The following CPXM2 variants were observed in gnomAD, a reference collection of about 807,000 sequenced individuals.
CPXM2 encodes inactive carboxypeptidase-like protein X2.
Under a neutral mutation model 86.1 loss-of-function variants are expected in CPXM2, and 66 were observed. The observed-to-expected ratio is 0.77, with a 90% CI of 0.63 to 0.94. CPXM2 has a LOEUF of 0.94. Among genes scored for constraint, CPXM2 ranks in the 40% least tolerant of loss-of-function variants. CPXM2 has a pLI of 0.00. For synonymous variants in CPXM2, 388 were observed against 400.2 expected (o/e 0.97, Z 0.36); for missense variants, 948 against 1,026.3 (o/e 0.92, Z 1.04).
intron 2 of CPXM2, among the ~76,000 whole-genome samples, chr10:123,939,193 G>A (rs1945750980): frequency 6.6e-6 from 1 of 152,172 alleles, no homozygotes; most frequent in East Asian, 1.9e-4. Context: ...TTTTCCAGAA[G>A]CAGTACTGCC....
chr10:123,789,017 T>C (rs1339137008), intron 6 of CPXM2, among the ~76,000 whole-genome samples: 1 of 152,102 alleles, frequency 6.6e-6, no homozygotes, highest in Non-Finnish European at 1.5e-5. Flanking sequence ...GCTGCCATTG[T>C]GGCCTTGTGA....
In CPXM2 at chr10:123,862,608, A is replaced by G; in HGVS notation, c.513+6T>C. On this transcript the variant is annotated splice_donor_region_variant and intron_variant, in intron 3 of 13. Coordinates refer to ENST00000241305, the MANE Select transcript of CPXM2 (RefSeq NM_198148.3). ...TCAAAATCCTTCCAACCACAGGGCC[A>G]GGTACCTGGATGTTGAGTCTCCCTC... 6.2e-7 allele frequency: 1 copy of G among 1,609,010 alleles called. No individual in the cohort carries two copies. Among genetic ancestry groups the G allele is most frequent in the Non-Finnish European group, 8.5e-7 (1 of 1,175,328 alleles).
intron 2 of CPXM2, among the ~76,000 whole-genome samples, chr10:123,919,319 A>G (rs1945562506): frequency 6.6e-6 from 1 of 152,394 alleles, no homozygotes; most frequent in Non-Finnish European, 1.5e-5. Context: ...ATCAACATTT[A>G]TCAGAAGATT....
At chr10:123,922,889 A>G (rs2134279958) in intron 2 of CPXM2, among the ~76,000 whole-genome samples, 1 of 152,346 alleles carries the variant, frequency 6.6e-6, no homozygotes, top group South Asian at 2.1e-4. Flanking sequence ...CCAACGTATC[A>G]CCCACAGATA....
intron 6 of CPXM2, among the ~76,000 whole-genome samples, chr10:123,781,432 G>A (rs533912603): frequency 5.6e-4 from 86 of 152,278 alleles, no homozygotes; most frequent in South Asian, 1.5e-3. Context: ...CATCTGCCTC[G>A]AGGTCCCCCA....
At chr10:123,890,293 G>A (rs1444309752) in intron 1 of CPXM2, among the ~76,000 whole-genome samples, 1 of 152,240 alleles carries the variant, frequency 6.6e-6, no homozygotes, top group Non-Finnish European at 1.5e-5. Context: ...CCCATTCAAA[G>A]TTGTCCACAA....
At chr10:123,762,644 G>A (rs1247827920) in intron 10 of CPXM2, among the ~76,000 whole-genome samples, 1 of 152,170 alleles carries the variant, frequency 6.6e-6, no homozygotes, top group African/African-American at 2.4e-5. Flanking sequence ...TGTCAGAGCT[G>A]AGATGGGTCC....
intron 4 of CPXM2, among the ~76,000 whole-genome samples, chr10:123,841,986 A>C (rs994021558): frequency 1.3e-5 from 2 of 152,118 alleles, no homozygotes; most frequent in African/African-American, 4.8e-5. Flanking sequence ...CTGTGTACTC[A>C]CTGTTTGTCC....
At chr10:123,931,448 C>T (rs911459425) in intron 2 of CPXM2, 1 of 152,226 alleles carries the variant, frequency 6.6e-6, no homozygotes, top group Non-Finnish European at 1.5e-5. Context: ...TCCATCCTTT[C>T]ACTGTAATAA....
chr10:123,895,282 C>G (rs900490665), upstream of CPXM2, among the ~76,000 whole-genome samples: 1 of 151,954 alleles, frequency 6.6e-6, no homozygotes, highest in Non-Finnish European at 1.5e-5. Flanking sequence ...TACCACCACA[C>G]CCAGCTAATT....
Position 123,757,246 on chromosome 10 carries a change from A to G in CPXM2, c.1884T>C (p.Asn628=). The G allele has an allele frequency of 1.2e-6, 2 of 1,614,074 alleles. No individual in the cohort carries two copies. Among genetic ancestry groups the G allele is most frequent in the South Asian group, 2.2e-5 (2 of 91,070 alleles). ...TGAACACGATCAGAGATTCCCGGTT[A>G]TTCTCCCACTCCTCGGGCAGCTGGC... is the stretch of plus-strand genomic sequence containing the variant. ...HESQLPEEWE[N]NRESLIVFME... Residue 628 remains asparagine (N), a synonymous_variant, in exon 12 of 14, where the codon AAT becomes AAC. Transcript: ENST00000241305.
chr10:123,792,242 G>A (rs1024853647), intron 6 of CPXM2, among the ~76,000 whole-genome samples: 1 of 152,154 alleles, frequency 6.6e-6, no homozygotes, highest in African/African-American at 2.4e-5. Context: ...GCAGGGCAAG[G>A]AGGAAGAAGG....
chr10:123,806,799 C>A (rs1316868939), intron 4 of CPXM2, among the ~76,000 whole-genome samples: 2 of 152,058 alleles, frequency 1.3e-5, no homozygotes, highest in African/African-American at 4.8e-5. Context: ...GATTTCATGA[C>A]AACTCACTAT....
intron 4 of CPXM2, among the ~76,000 whole-genome samples, chr10:123,815,949 G>T (rs547729002): frequency 1.4e-4 from 21 of 152,314 alleles, no homozygotes; most frequent in African/African-American, 5.1e-4. Flanking sequence ...GGGACTCTGT[G>T]TTTAATGCTG....
chr10:123,876,561 T>C (rs1391257003), intron 2 of CPXM2, among the ~76,000 whole-genome samples: 1 of 152,202 alleles, frequency 6.6e-6, no homozygotes, highest in Non-Finnish European at 1.5e-5. Context: ...AAAGGTCAAA[T>C]ACAGCCCACC....
chr10:123,768,045 T>C (rs1219730), intron 9 of CPXM2, among the ~76,000 whole-genome samples: 52,043 of 152,086 alleles, frequency 0.34, 9,895 homozygotes, highest in East Asian at 0.63. Context: ...TGCTTTGCAC[T>C]TTTCATAAAC....
intron 2 of CPXM2, among the ~76,000 whole-genome samples, chr10:123,937,164 C>T (rs542343032): frequency 1.3e-5 from 2 of 152,296 alleles, no homozygotes; most frequent in African/African-American, 2.4e-5. Flanking sequence ...TCTGATGTAA[C>T]TCAGGCTTGG....
At position 123,891,211 on chromosome 10, in the gene CPXM2, A is replaced by G; in HGVS notation, c.304+145T>C. 6.1e-6 allele frequency: 4 copies of G among 655,134 alleles called. No individual in the cohort carries two copies. Among genetic ancestry groups the G allele is most frequent in the Non-Finnish European group, 9.9e-6 (4 of 406,038 alleles). The allele number at this position is 655,134 out of a possible 1,614,324, so 40.6% of individuals were successfully genotyped here. On this transcript the variant is annotated intron_variant, in intron 1 of 13. Transcript: ENST00000241305. The surrounding 1 kb of genome is among the most constrained non-coding windows in gnomAD (Gnocchi z 5.6). The stretch of plus-strand genomic sequence containing the variant: ...GCGGGCCGGCAGGAAGCGCAGATAC[A>G]GTCCCTAGGGAGGCAGAGGCGGCAA...
chr10:123,881,041 C>T (rs1283187027), intron 1 of CPXM2, among the ~76,000 whole-genome samples: 1 of 151,418 alleles, frequency 6.6e-6, no homozygotes, highest in Non-Finnish European at 1.5e-5. Flanking sequence ...GGATGCTGCC[C>T]CCATTTGGGG....
Sources: gnomAD v4.1 joint callset for allele counts (sites outside exome capture counted in the v4.1 genomes callset) on GRCh38, gnomAD v4.1.1 for gene constraint, Gnocchi (gnomAD v3.1) non-coding constraint, MANE v1.5 for transcripts, NCBI Gene and HGNC (gene_info 2026-07-23, HGNC 2026-07-21) for gene names.